The following PCDH9 variants were observed in gnomAD, a reference collection of about 807,000 sequenced individuals.
PCDH9 encodes the protein protocadherin-9.
In PCDH9, 24 loss-of-function variants were observed where a neutral mutation model predicts 70.6. The observed-to-expected ratio is 0.34, with a 90% CI of 0.25 to 0.48. PCDH9 has a LOEUF of 0.48. Among genes scored for constraint, PCDH9 ranks in the 20% least tolerant of loss-of-function variants. PCDH9 has a pLI of 0.99. For synonymous variants in PCDH9, 562 were observed against 558.5 expected (o/e 1.01, Z -0.09); for missense variants, 1,281 against 1,503.6 (o/e 0.85, Z 2.45).
intron 4 of PCDH9, among the ~76,000 whole-genome samples, chr13:66,561,866 C>T (rs148766366): frequency 5.9e-5 from 9 of 152,158 alleles, no homozygotes; most frequent in Admixed American, 3.9e-4. Context: ...GCAACCCGCT[C>T]GGGTCCTCTT....
chr13:66,717,532 C>T (rs2078887671), intron 3 of PCDH9, among the ~76,000 whole-genome samples: 1 of 131,068 alleles, frequency 7.6e-6, no homozygotes, highest in Admixed American at 8.0e-5. Context: ...GGCTACAAAC[C>T]TTAGTACAAG....
chr13:66,542,684 A>G (rs1419810453), intron 4 of PCDH9, among the ~76,000 whole-genome samples: 1 of 82,188 alleles, frequency 1.2e-5, no homozygotes, highest in African/African-American at 3.0e-5. Flanking sequence ...TTAAATATAT[A>G]TATGTTTAAA....
chr13:67,203,319 T>C (rs1450737205), intron 2 of PCDH9: 1 of 152,118 alleles, frequency 6.6e-6, no homozygotes, highest in Non-Finnish European at 1.5e-5. Flanking sequence ...GTTAATAGAC[T>C]TTGTAATTCT....
At chr13:67,063,882 G>A (rs545769260) in intron 2 of PCDH9, among the ~76,000 whole-genome samples, 1 of 152,148 alleles carries the variant, frequency 6.6e-6, no homozygotes, top group Non-Finnish European at 1.5e-5. Context: ...TAGGTACTAT[G>A]AGGAATTGAT....
intron 4 of PCDH9, among the ~76,000 whole-genome samples, chr13:66,384,502 C>G (rs1956896750): frequency 6.6e-6 from 1 of 152,138 alleles, no homozygotes; most frequent in Non-Finnish European, 1.5e-5. Flanking sequence ...CATATCCAGT[C>G]TCTTGCATAA....
chr13:67,026,461 T>C (rs1392288416), intron 2 of PCDH9, among the ~76,000 whole-genome samples: 1 of 152,142 alleles, frequency 6.6e-6, no homozygotes, highest in East Asian at 1.9e-4. Flanking sequence ...CATATCATAC[T>C]GAATGGGCAA....
intron 2 of PCDH9, among the ~76,000 whole-genome samples, chr13:67,164,156 A>G (rs753642606): frequency 1.6e-4 from 24 of 152,192 alleles, no homozygotes; most frequent in Admixed American, 2.6e-4. Context: ...TTCTAATTTC[A>G]TCCATAAACA....
At chr13:66,836,262 C>T (rs1333656944) in intron 3 of PCDH9, among the ~76,000 whole-genome samples, 2 of 152,114 alleles carry the variant, frequency 1.3e-5, no homozygotes, top group African/African-American at 2.4e-5. Flanking sequence ...TGACATGAGA[C>T]CTCTCCCCAG....
intron 4 of PCDH9, among the ~76,000 whole-genome samples, chr13:66,562,398 C>A (rs748971352): frequency 1.3e-5 from 2 of 151,868 alleles, no homozygotes; most frequent in African/African-American, 4.8e-5. Context: ...TGTTCTCAAG[C>A]CGCTAATAAA....
chr13:66,832,151 G>A lies in PCDH9; in HGVS notation c.3138+71353C>T, dbSNP rs556432058. ...AACCAGGGAACATTGCTAGCTGAGA[G>A]GAACAAAATTCAATTCAAGATTAAA... On this transcript the variant is annotated intron_variant, in intron 3 of 4. Coordinates refer to ENST00000377865, the MANE Select transcript of PCDH9 (RefSeq NM_203487.3). Among the ~76,000 whole-genome samples the A allele has an allele frequency of 3.8e-4, 58 of 151,900 alleles. 1 individual carries two copies. The highest frequency in any genetic ancestry group is 1.4e-3 in the African/African-American group (58 of 41,430).
chr13:67,189,820 A>G (rs1356925226), intron 2 of PCDH9, among the ~76,000 whole-genome samples: 1 of 151,972 alleles, frequency 6.6e-6, no homozygotes, highest in Non-Finnish European at 1.5e-5. Flanking sequence ...TAGCAAGAGA[A>G]TAAGAAGTTA....
intron 4 of PCDH9, among the ~76,000 whole-genome samples, chr13:66,424,580 T>G (rs554832570): frequency 1.3e-5 from 2 of 152,106 alleles, no homozygotes; most frequent in Admixed American, 1.3e-4. Context: ...AAAGTCTGTA[T>G]AGCTGATGAC....
intron 4 of PCDH9, among the ~76,000 whole-genome samples, chr13:66,364,358 T>A (rs1470520774): frequency 6.6e-6 from 1 of 152,180 alleles, no homozygotes; most frequent in African/African-American, 2.4e-5. Context: ...ACATTTTTAA[T>A]TATGATTGAG....
intron 2 of PCDH9, among the ~76,000 whole-genome samples, chr13:66,970,661 C>T (rs1188884326): frequency 6.8e-5 from 9 of 133,062 alleles, no homozygotes; most frequent in South Asian, 2.4e-4. Context: ...AAAAAAAATG[C>T]TTAGCCCCCA....
At chr13:67,156,785 G>A (rs1470917869) in intron 2 of PCDH9, among the ~76,000 whole-genome samples, 1 of 152,130 alleles carries the variant, frequency 6.6e-6, no homozygotes, top group Non-Finnish European at 1.5e-5. Context: ...CGCCCACTGG[G>A]GCTTCAGCTG....
chr13:66,690,705 C>T (rs553640276), intron 3 of PCDH9, among the ~76,000 whole-genome samples: 1 of 152,146 alleles, frequency 6.6e-6, no homozygotes, highest in Non-Finnish European at 1.5e-5. Flanking sequence ...GCAAAGTAGT[C>T]CAGAGGATAG....
chr13:66,952,260 T>C (rs899715519), intron 2 of PCDH9, among the ~76,000 whole-genome samples: 14 of 152,176 alleles, frequency 9.2e-5, no homozygotes, highest in African/African-American at 3.4e-4. Flanking sequence ...TCTGTTTCCC[T>C]GTATTTATTG....
intron 3 of PCDH9, among the ~76,000 whole-genome samples, chr13:66,869,384 C>G (rs537579026): frequency 6.6e-6 from 1 of 151,872 alleles, no homozygotes; most frequent in Admixed American, 6.6e-5. Flanking sequence ...TTTTTGCAAC[C>G]CTTCTAGGGA....
chr13:66,663,372 C>T (rs2078045516), intron 3 of PCDH9, among the ~76,000 whole-genome samples: 1 of 152,124 alleles, frequency 6.6e-6, no homozygotes, highest in Non-Finnish European at 1.5e-5. Flanking sequence ...CAGAACCTGA[C>T]AGCCTAAGAG....
Sources: allele counts gnomAD v4.1 joint callset (sites outside exome capture counted in the v4.1 genomes callset), GRCh38; gene constraint gnomAD v4.1.1; transcripts MANE v1.5; gene names NCBI Gene and HGNC (gene_info 2026-07-23, HGNC 2026-07-21).